PRXL2C: variants seen among roughly 807,000 people sequenced by gnomAD.
PRXL2C encodes the protein peroxiredoxin like 2C, also known as peroxiredoxin-like 2C.
In PRXL2C, 38 loss-of-function variants were observed where a neutral mutation model predicts 24.9. The ratio of observed to expected loss-of-function variants is 1.53; its 90% confidence interval spans 1.18 to 2.00. PRXL2C has a LOEUF of 2.00. Among genes scored for constraint, PRXL2C ranks in the 30% most tolerant of loss-of-function variants. The probability of loss-of-function intolerance (pLI) is 0.00; values close to 1 mark genes in which losing one functional copy is unlikely to be tolerated. For synonymous variants in PRXL2C, 98 were observed against 117.2 expected, an observed-to-expected ratio of 0.84 and a Z score of 1.06; for missense variants, 294 against 290.9, an observed-to-expected ratio of 1.01 and a Z score of -0.08.
chr9:96,649,533 T>C (rs369814010), intron 4 of PRXL2C, among the ~76,000 whole-genome samples: 1 of 127,784 alleles, frequency 7.8e-6, no homozygotes, highest in Non-Finnish European at 1.5e-5. Flanking sequence ...CATCACACTC[T>C]AGCCTAGACA....
intron 2 of PRXL2C, among the ~76,000 whole-genome samples, chr9:96,653,206 G>A (rs1182235189): frequency 6.7e-6 from 1 of 150,126 alleles, no homozygotes; most frequent in Non-Finnish European, 1.5e-5. Context: ...CAGCCTGGGC[G>A]ATAGAGTGAG....
intron 2 of PRXL2C, among the ~76,000 whole-genome samples, chr9:96,653,407 A>G (rs1212381556): frequency 8.5e-5 from 13 of 152,212 alleles, no homozygotes; most frequent in Admixed American, 8.5e-4. Context: ...CGAAAAAAGT[A>G]GAGTGTAATG....
Position 96,639,656 on chromosome 9 carries a change from GTTTT to G in PRXL2C, c.*2099_*2102del, listed in dbSNP as rs200451808. 1 of 151,842 alleles carries G rather than the reference GTTTT, an allele frequency of 6.6e-6. No homozygotes were observed. Among genetic ancestry groups the G allele is most frequent in the Admixed American group, 6.6e-5 (1 of 15,234 alleles). The allele number at this position is 151,842 out of a possible 1,614,324, so 9.4% of individuals were successfully genotyped here. ...TATATTCAAATATTTGAATACATTA[GTTTT>G]TTTTGTAACTTTATATGCTTCATAT... is the stretch of plus-strand genomic sequence containing the variant. On this transcript the variant is annotated 3_prime_UTR_variant, in exon 6 of 6. Coordinates refer to ENST00000375234, the MANE Select transcript of PRXL2C (RefSeq NM_153698.2).
intron 5 of PRXL2C, among the ~76,000 whole-genome samples, chr9:96,643,079 G>A (rs552169099): frequency 3.4e-4 from 51 of 152,208 alleles, no homozygotes; most frequent in African/African-American, 1.0e-3. Context: ...AGGGGAGGAC[G>A]TGCATAGGTT....
rs1482594016 is a variant in PRXL2C at position 96,640,082 on chromosome 9, A to C, written c.*1677T>G. On this transcript the variant is annotated 3_prime_UTR_variant, in exon 6 of 6. Coordinates refer to ENST00000375234, the MANE Select transcript of PRXL2C (RefSeq NM_153698.2). Reference sequence around the variant, plus strand: ...CACTCCATCCTGTGCAACAAGAGTGAAACTCCGTCTCAAAAAAAAAAAAAA... The same window carrying C: ...CACTCCATCCTGTGCAACAAGAGTGCAACTCCGTCTCAAAAAAAAAAAAAA... The C allele has an allele frequency of 1.3e-5, 2 of 148,856 alleles. No individual in the cohort carries two copies. Among genetic ancestry groups the C allele is most frequent in the Non-Finnish European group, 2.9e-5 (2 of 67,928 alleles). The allele number at this position is 148,856 out of a possible 1,614,324, so 9.2% of individuals were successfully genotyped here.
chr9:96,650,247 T>C (rs1848250414), intron 4 of PRXL2C, among the ~76,000 whole-genome samples: 1 of 152,248 alleles, frequency 6.6e-6, no homozygotes, highest in South Asian at 2.1e-4. Context: ...ATGTATTTTA[T>C]CACTGTCCTC....
intron 1 of PRXL2C, 120 bp downstream of exon 1, chr9:96,654,970 C>G: frequency 7.8e-7 from 1 of 1,276,500 alleles, no homozygotes; most frequent in Non-Finnish European, 1.0e-6. Flanking sequence ...GGGAAGCGGC[C>G]GCGACTGGGC....
chr9:96,645,791 C>A (rs1454544868), intron 5 of PRXL2C, 102 bp downstream of exon 5: 2 of 1,317,624 alleles, frequency 1.5e-6, no homozygotes, highest in Middle Eastern at 5.7e-4. Flanking sequence ...AGCGAGACTC[C>A]CTCTCGAAAA....
intron 5 of PRXL2C, among the ~76,000 whole-genome samples, chr9:96,644,619 G>A (rs946098858): frequency 2.0e-5 from 3 of 151,974 alleles, no homozygotes; most frequent in Admixed American, 1.3e-4. Context: ...CCAAGTAGGT[G>A]GGATTACAAG....
chr9:96,655,025 C>G (rs1848333405), intron 1 of PRXL2C, 65 bp downstream of exon 1: 3 of 1,410,194 alleles, frequency 2.1e-6, no homozygotes, highest in African/African-American at 3.0e-5. Flanking sequence ...AGGCGCGGCT[C>G]GCATCCCGGC....
At chr9:96,643,993 T>G (rs1398991043) in intron 5 of PRXL2C, among the ~76,000 whole-genome samples, 1 of 151,524 alleles carries the variant, frequency 6.6e-6, no homozygotes, top group Non-Finnish European at 1.5e-5. Flanking sequence ...ATTAGCTGGG[T>G]GTGGTGGCAG....
At chr9:96,651,044 AC>A (rs1281453318) in intron 4 of PRXL2C, among the ~76,000 whole-genome samples, 3 of 152,176 alleles carry the variant, frequency 2.0e-5, no homozygotes, top group African/African-American at 7.2e-5. Flanking sequence ...TAATCCCAGC[AC>A]TTTGGGAGGC....
intron 2 of PRXL2C, 82 bp downstream of exon 2, chr9:96,654,623 C>T: frequency 7.4e-7 from 1 of 1,342,844 alleles, no homozygotes. Context: ...CTGCAAGTTC[C>T]GCGCTGGAGC....
In PRXL2C at chr9:96,644,881, CTTTTTTTTTTTTTTT is replaced by C. The variant is rs530343244; in HGVS notation, c.553+997_553+1011del. On this transcript the variant is annotated intron_variant, in intron 5 of 5. Transcript: ENST00000375234. ...TTAGGTATAAATAACTACATGGATT[CTTTTTTTTTTTTTTT>C]TTTTTTTTTTTTTTTTTTTTGAGGC... 8.7e-4 allele frequency among the ~76,000 whole-genome samples: 32 copies of C among 36,694 alleles called. No homozygotes were observed. The East Asian group carries it at 0.02, about 23-fold the overall frequency. 24.1% of individuals were successfully genotyped at this position (36,694 alleles called of 152,430 possible).
chr9:96,644,016 C>T (rs1384520508), intron 5 of PRXL2C, among the ~76,000 whole-genome samples: 1 of 151,574 alleles, frequency 6.6e-6, no homozygotes, highest in Non-Finnish European at 1.5e-5. Flanking sequence ...GCCTGTAGTC[C>T]CAGCTACTAG....
rs986670168 is a variant in PRXL2C at position 96,655,169 on chromosome 9, G to A, written c.113C>T (p.Pro38Leu). ...CCGCTGCCCGCGGGCGTCCAGCACC[G>A]GCAGCTCGGCCACGGCGGCCGCCAG... is the stretch of plus-strand genomic sequence containing the variant. ...QPLAAAVAEL[P>L]VLDARGQRVP... The change falls in exon 1 of 6, where the codon CCG becomes CTG. Residue 38 changes from proline to leucine, a missense_variant. Transcript: ENST00000375234. 38 of 1,236,286 alleles carry A rather than the reference G, an allele frequency of 3.1e-5. No homozygotes were observed. In the African/African-American group the frequency reaches 3.3e-4, roughly 11 times the overall value. The allele number at this position is 1,236,286 out of a possible 1,614,324, so 76.6% of individuals were successfully genotyped here.
At chr9:96,645,503 ATGG>A (rs1239300283) in intron 5 of PRXL2C, among the ~76,000 whole-genome samples, 1 of 152,004 alleles carries the variant, frequency 6.6e-6, no homozygotes, top group Non-Finnish European at 1.5e-5. Context: ...TATGAAGAAA[ATGG>A]TGGCCTCTGG....
chr9:96,653,958 A>T lies in PRXL2C; in HGVS notation c.261+747T>A, dbSNP rs192694697. On this transcript the variant is annotated intron_variant, in intron 2 of 5. Transcript: ENST00000375234. The stretch of plus-strand genomic sequence containing the variant: ...CGGGTTCACGCCATTCTCCTGCCTC[A>T]GCCTCCCGAGTAGCTGGGCCTACAG... Among the ~76,000 whole-genome samples, 396 of 151,916 alleles carry T rather than the reference A, an allele frequency of 2.6e-3. 5 individuals carry two copies. Among genetic ancestry groups the T allele is most frequent in the African/African-American group, 9.0e-3 (374 of 41,394 alleles).
At chr9:96,654,657 C>G in intron 2 of PRXL2C, 48 bp downstream of exon 2, 1 of 1,526,764 alleles carries the variant, frequency 6.5e-7, no homozygotes. Flanking sequence ...GCCCCGCTCG[C>G]AAGGTCTGCA....
Sources: allele counts gnomAD v4.1 joint callset (sites outside exome capture counted in the v4.1 genomes callset), GRCh38; gene constraint gnomAD v4.1.1; transcripts MANE v1.5; gene names NCBI Gene and HGNC (gene_info 2026-07-23, HGNC 2026-07-21).